The following CLYBL variants were observed in gnomAD, a reference collection of about 807,000 sequenced individuals.
CLYBL encodes citramalyl-CoA lyase.
Under a neutral mutation model 38.9 loss-of-function variants are expected in CLYBL, and 31 were observed. That is an observed-to-expected ratio of 0.80 (90% CI 0.60 to 1.08). CLYBL has a LOEUF of 1.08. Ranked by LOEUF, CLYBL falls within the 50% of genes least tolerant of loss-of-function variation. The pLI is 0.00. For synonymous variants in CLYBL, 171 were observed against 158.6 expected, an observed-to-expected ratio of 1.08 and a Z score of -0.59; for missense variants, 434 against 411.6, an observed-to-expected ratio of 1.05 and a Z score of -0.47.
intron 2 of CLYBL, among the ~76,000 whole-genome samples, chr13:99,832,142 C>A (rs2050816757): frequency 6.6e-6 from 1 of 152,202 alleles, no homozygotes. Flanking sequence ...TTTTTAACAG[C>A]ACATTGTGTT....
At chr13:99,885,248 A>T (rs2052321490) in intron 7 of CLYBL, 2 of 368,602 alleles carry the variant, frequency 5.4e-6, no homozygotes, top group Non-Finnish European at 5.4e-6. Context: ...TGCTCTACCA[A>T]GGAGGCCTCA....
chr13:99,617,829 C>G (rs934436456), intron 1 of CLYBL, among the ~76,000 whole-genome samples: 1 of 152,164 alleles, frequency 6.6e-6, no homozygotes, highest in Non-Finnish European at 1.5e-5. Context: ...CCTCACCGGC[C>G]TCCTCTTCTG....
intron 1 of CLYBL, among the ~76,000 whole-genome samples, chr13:99,692,658 A>T (rs920300634): frequency 6.6e-6 from 1 of 152,128 alleles, no homozygotes; most frequent in Non-Finnish European, 1.5e-5. Flanking sequence ...TTGTGTAATG[A>T]TCATCACTAT....
intron 2 of CLYBL, among the ~76,000 whole-genome samples, chr13:99,823,010 G>A (rs1315471883): frequency 6.6e-6 from 1 of 151,896 alleles, no homozygotes; most frequent in African/African-American, 2.4e-5. Flanking sequence ...ATATATTTTG[G>A]GATTATATCA....
intron 1 of CLYBL, among the ~76,000 whole-genome samples, chr13:99,618,370 A>G (rs1022671438): frequency 6.6e-6 from 1 of 152,004 alleles, no homozygotes; most frequent in Admixed American, 6.6e-5. Context: ...CCTGGGTTCA[A>G]GCAACTCTCC....
intron 1 of CLYBL, among the ~76,000 whole-genome samples, chr13:99,691,251 G>C (rs900239874): frequency 6.6e-6 from 1 of 152,120 alleles, no homozygotes; most frequent in Non-Finnish European, 1.5e-5. Context: ...TTGATCTAAA[G>C]AACATGTTTT....
chr13:99,855,802 A>C (rs1204191745), intron 2 of CLYBL, among the ~76,000 whole-genome samples: 2 of 152,154 alleles, frequency 1.3e-5, no homozygotes, highest in Admixed American at 6.5e-5. Flanking sequence ...AAAAAAATTC[A>C]ACATGCTCGC....
At chr13:99,813,553 T>G (rs1410826323) in intron 2 of CLYBL, among the ~76,000 whole-genome samples, 2 of 152,262 alleles carry the variant, frequency 1.3e-5, no homozygotes, top group East Asian at 3.9e-4. Flanking sequence ...CAAACTCAGA[T>G]TTGGGCTCTG....
At chr13:99,821,854 G>A (rs2050594342) in intron 2 of CLYBL, among the ~76,000 whole-genome samples, 1 of 152,352 alleles carries the variant, frequency 6.6e-6, no homozygotes, top group South Asian at 2.1e-4. Flanking sequence ...CCAGGAAAAT[G>A]TCTGTGGTAG....
chr13:99,867,709 A>G (rs919997373), intron 6 of CLYBL, among the ~76,000 whole-genome samples: 1 of 152,222 alleles, frequency 6.6e-6, no homozygotes, highest in Non-Finnish European at 1.5e-5. Flanking sequence ...GAAAAACTCC[A>G]TGAAATTTAT....
intron 1 of CLYBL, among the ~76,000 whole-genome samples, chr13:99,646,870 A>G (rs781281068): frequency 1.5e-4 from 23 of 151,898 alleles, no homozygotes; most frequent in Admixed American, 2.6e-4. Context: ...AGGCAAGCAT[A>G]CCCTAGATCT....
At chr13:99,813,794 C>T (rs961694144) in intron 2 of CLYBL, among the ~76,000 whole-genome samples, 2 of 152,176 alleles carry the variant, frequency 1.3e-5, no homozygotes, top group Non-Finnish European at 2.9e-5. Flanking sequence ...TATGCCTTCC[C>T]TGTAAACTAG....
intron 2 of CLYBL, among the ~76,000 whole-genome samples, chr13:99,790,823 CT>C (rs2049899733): frequency 6.6e-6 from 1 of 152,202 alleles, no homozygotes; most frequent in Admixed American, 6.5e-5. Context: ...ATTCCCTTCA[CT>C]TTTCCCTTGT....
At chr13:99,790,388 G>A (rs966762641) in intron 2 of CLYBL, among the ~76,000 whole-genome samples, 2 of 152,136 alleles carry the variant, frequency 1.3e-5, no homozygotes, top group Non-Finnish European at 2.9e-5. Context: ...TTTAGGGCAG[G>A]CCTGGTGGTG....
intron 2 of CLYBL, among the ~76,000 whole-genome samples, chr13:99,809,682 C>T (rs914793109): frequency 1.3e-4 from 20 of 152,358 alleles, no homozygotes; most frequent in African/African-American, 4.3e-4. Flanking sequence ...GCCCTTCCAT[C>T]GAGGGTGTGA....
intron 1 of CLYBL, among the ~76,000 whole-genome samples, chr13:99,620,372 G>A (rs1017691585): frequency 1.3e-5 from 2 of 152,172 alleles, no homozygotes; most frequent in Admixed American, 1.3e-4. Context: ...CATAGGGTCT[G>A]CCTGTTCTAG....
chr13:99,764,504 A>G (rs1226202898), intron 1 of CLYBL, among the ~76,000 whole-genome samples: 4 of 152,074 alleles, frequency 2.6e-5, no homozygotes, highest in Non-Finnish European at 5.9e-5. Flanking sequence ...CATTTCTTCT[A>G]GGTTTTCCAG....
chr13:99,833,890 T>C (rs1337279943), intron 2 of CLYBL, among the ~76,000 whole-genome samples: 4 of 151,386 alleles, frequency 2.6e-5, no homozygotes, highest in African/African-American at 7.3e-5. Flanking sequence ...TTAGTAGAGA[T>C]GGGGTTTCAC....
chr13:99,692,049 A>T (rs572725807), intron 1 of CLYBL, among the ~76,000 whole-genome samples: 1 of 152,284 alleles, frequency 6.6e-6, no homozygotes, highest in South Asian at 2.1e-4. Context: ...GCCAGGATGG[A>T]TATGATAGCC....
Sources: allele counts gnomAD v4.1 joint callset (sites outside exome capture counted in the v4.1 genomes callset), GRCh38; gene constraint gnomAD v4.1.1; transcripts MANE v1.5; gene names NCBI Gene and HGNC (gene_info 2026-07-23, HGNC 2026-07-21).